EEF1G: variants seen among roughly 807,000 people sequenced by gnomAD.
EEF1G encodes the protein eukaryotic translation elongation factor 1 gamma.
EEF1G carries 14 observed loss-of-function variants against 58.3 expected under a neutral mutation model. That is an observed-to-expected ratio of 0.24 (90% CI 0.16 to 0.38). EEF1G has a LOEUF of 0.38. Among genes scored for constraint, EEF1G ranks in the 10% least tolerant of loss-of-function variants. EEF1G has a pLI of 1.00. For missense variants in EEF1G, 322 were observed against 550.1 expected, an observed-to-expected ratio of 0.59 and a Z score of 4.15; for synonymous variants, 180 against 206.8, an observed-to-expected ratio of 0.87 and a Z score of 1.11.
At chr11:62,572,899 C>T in intron 1 of EEF1G, 157 bp from the exon 2 acceptor site, 1 of 597,834 alleles carries the variant, frequency 1.7e-6, no homozygotes, top group Non-Finnish European at 2.8e-6. Context: ...CATATGTAAT[C>T]AGAATCCTCC....
intron 3 of EEF1G, 22 bp from the exon 4 acceptor site, chr11:62,571,704 G>A (rs1444841722): frequency 2.8e-5 from 45 of 1,580,936 alleles, no homozygotes; most frequent in Non-Finnish European, 3.8e-5. Flanking sequence ...GAACACGAAG[G>A]TCAGAACTCT....
Position 62,572,707 on chromosome 11 carries a change from G to C in EEF1G, c.48C>G (p.Phe16Leu). 1 of 1,613,636 alleles carries C rather than the reference G, an allele frequency of 6.2e-7. No homozygotes were observed. Among genetic ancestry groups the C allele is most frequent in the Middle Eastern group, 1.7e-4 (1 of 5,820 alleles). Residue 16 changes from phenylalanine to leucine, a missense_variant, in exon 2 of 10, where the codon TTC (phenylalanine) becomes TTG (leucine). By Grantham distance (22) the Phe-to-Leu change is conservative (BLOSUM62 0). Transcript: ENST00000329251. ...TGTACTGAGCAGCGATGAGAGCCTT[G>C]AAGGCCCTCCAGTTTTCAGGATACG... is the stretch of plus-strand genomic sequence containing the variant. ...LYTYPENWRA[F>L]KALIAAQYSG...
intron 5 of EEF1G, among the ~76,000 whole-genome samples, chr11:62,568,633 G>C (rs943866423): frequency 6.6e-6 from 1 of 151,814 alleles, no homozygotes; most frequent in African/African-American, 2.4e-5. Flanking sequence ...TAATTGTCTT[G>C]CTCCTTTACA....
rs1413092890 is a variant in EEF1G at position 62,572,732 on chromosome 11, G to T, written c.23C>A (p.Thr8Lys). The T allele has an allele frequency of 6.2e-7, 1 of 1,612,844 alleles. No individual in the cohort carries two copies. The highest frequency in any genetic ancestry group is 8.5e-7 in the Non-Finnish European group (1 of 1,179,096). Residue 8 changes from threonine (T) to lysine (K), a missense_variant, in exon 2 of 10, where the codon ACG becomes AAG. Thr to Lys is a moderately conservative substitution (Grantham distance 78). Coordinates refer to ENST00000329251, the MANE Select transcript of EEF1G (RefSeq NM_001404.5). MAAGTLY[T>K]YPENWRAFKA... is the part of the protein sequence containing the mutation. ...GAAGGCCCTCCAGTTTTCAGGATAC[G>T]TGTACAGGGTCTATGGGAGAAAGAG...
At chr11:62,559,874 G>C (rs770261179) in intron 9 of EEF1G, 37 bp from the exon 10 acceptor site, 2 of 1,613,766 alleles carry the variant, frequency 1.2e-6, no homozygotes, top group African/African-American at 1.3e-5. Context: ...CAAGTTATGA[G>C]ACACCACCCC....
chr11:62,571,539 C>T lies in EEF1G; in HGVS notation c.378+1G>A. The T allele has an allele frequency of 6.3e-7, 1 of 1,596,018 alleles. No homozygotes were observed. Among genetic ancestry groups the T allele is most frequent in the Non-Finnish European group, 8.5e-7 (1 of 1,170,924 alleles). On this transcript the variant is annotated splice_donor_variant, in intron 4 of 9. Transcript: ENST00000329251. LOFTEE classifies it high-confidence loss of function. ...GCTTCTCTCAAAGTTCCAAGGCTCA[C>T]CTGTTTGTTGTGGTGCATGATGCCC... is the stretch of plus-strand genomic sequence containing the variant.
chr11:62,571,340 A>G (rs1236259057), intron 4 of EEF1G, among the ~76,000 whole-genome samples, 200 bp downstream of exon 4: 1 of 152,180 alleles, frequency 6.6e-6, no homozygotes, highest in South Asian at 2.1e-4. Flanking sequence ...TCACAGCAGC[A>G]ATCCCTCTTC....
In EEF1G at chr11:62,571,087, C is replaced by T; in HGVS notation, c.400G>A (p.Glu134Lys). 1 of 1,613,956 alleles carries T rather than the reference C, an allele frequency of 6.2e-7. No individual in the cohort carries two copies. The change falls in exon 5 of 10, where the codon GAA becomes AAA. Residue 134 changes from glutamate (E) to lysine (K), a missense_variant. This residue lies in a region of EEF1G where 52 missense variants were observed against 139.4 expected (regional missense o/e 0.37). Coordinates refer to ENST00000329251, the MANE Select transcript of EEF1G (RefSeq NM_001404.5). ...AGCAGCCCCAGAATTCGCCTCACTT[C>T]CTCCTTTGCATTCTCAGTGGCCTAG... The part of the protein sequence containing the change: ...NKQATENAKE[E>K]VRRILGLLDA...
chr11:62,561,674 A>C (rs1235256354), intron 7 of EEF1G, among the ~76,000 whole-genome samples: 6 of 24,738 alleles, frequency 2.4e-4, no homozygotes, highest in Non-Finnish European at 3.1e-4. Flanking sequence ...AAAAAAACAA[A>C]AAAAAAACAA....
chr11:62,572,695 G>A lies in EEF1G; in HGVS notation c.60C>T (p.Ile20=), dbSNP rs533408973. The A allele has an allele frequency of 2.7e-5, 44 of 1,613,598 alleles. No homozygotes were observed. Among genetic ancestry groups the A allele is most frequent in the African/African-American group, 6.7e-5 (5 of 75,048 alleles). Reference sequence around the variant, plus strand: ...CCTGAGCCCCGCTGTACTGAGCAGCGATGAGAGCCTTGAAGGCCCTCCAGT... The same window carrying A: ...CCTGAGCCCCGCTGTACTGAGCAGCAATGAGAGCCTTGAAGGCCCTCCAGT... ...PENWRAFKAL[I]AAQYSGAQVR... The change falls in exon 2 of 10, where the codon ATC becomes ATT. Residue 20 remains isoleucine (I), a synonymous_variant. Transcript: ENST00000329251.
intron 4 of EEF1G, 47 bp downstream of exon 4, chr11:62,571,493 C>T: frequency 6.4e-7 from 1 of 1,557,708 alleles, no homozygotes. Context: ...CACCCAGGAG[C>T]TGATGCCACC....
At chr11:62,571,318 G>C (rs1439451092) in intron 4 of EEF1G, among the ~76,000 whole-genome samples, 1 of 152,066 alleles carries the variant, frequency 6.6e-6, no homozygotes, top group African/African-American at 2.4e-5. Context: ...CTTACCATTT[G>C]GTATAATCTC....
intron 8 of EEF1G, 44 bp downstream of exon 8, chr11:62,560,238 T>G: frequency 6.2e-7 from 1 of 1,613,996 alleles, no homozygotes. Context: ...ATCACAGCAC[T>G]TGCTACACCT....
At chr11:62,567,120 G>A (rs1752236126) in intron 6 of EEF1G, 110 bp from the exon 7 acceptor site, 1 of 1,234,354 alleles carries the variant, frequency 8.1e-7, no homozygotes, top group Non-Finnish European at 1.2e-6. Flanking sequence ...AATGGGACAA[G>A]TAAGGAACTT....
At chr11:62,569,183 A>G (rs564845361) in intron 5 of EEF1G, among the ~76,000 whole-genome samples, 1 of 152,080 alleles carries the variant, frequency 6.6e-6, no homozygotes, top group Non-Finnish European at 1.5e-5. Flanking sequence ...AGAATAATGG[A>G]CAGTCCTGGC....
chr11:62,573,872 T>G lies in EEF1G; in HGVS notation c.-30A>C. On this transcript the variant is annotated 5_prime_UTR_variant, in exon 1 of 10. Coordinates refer to ENST00000329251, the MANE Select transcript of EEF1G (RefSeq NM_001404.5). ...ATTCCGCAAAGAAAGGGGGTGGGGTTCTCGGCGCTGCCGCAAAGTAAGCCG... is the reference window on the plus strand; with the variant it reads ...ATTCCGCAAAGAAAGGGGGTGGGGTGCTCGGCGCTGCCGCAAAGTAAGCCG... 3.1e-6 allele frequency: 5 copies of G among 1,613,498 alleles called. No homozygotes were observed. The highest frequency in any genetic ancestry group is 4.2e-6 in the Non-Finnish European group (5 of 1,179,832).
At chr11:62,571,354 T>A (rs1162027103) in intron 4 of EEF1G, among the ~76,000 whole-genome samples, 186 bp downstream of exon 4, 4 of 152,210 alleles carry the variant, frequency 2.6e-5, no homozygotes, top group Non-Finnish European at 1.5e-5. Context: ...CCTCTTCTGA[T>A]CACTCATGAC....
rs1432936599 is a variant in EEF1G, at chr11:62,571,914, C to T, written c.172-13G>A. The T allele has an allele frequency of 2.6e-6, 4 of 1,567,304 alleles. No homozygotes were observed. Among genetic ancestry groups the T allele is most frequent in the Non-Finnish European group, 3.5e-6 (4 of 1,155,862 alleles). Reference sequence around the variant, plus strand: ...CAAATGCTGGGACCTGGGGACAAAGCAGTGAAAAGATAAGGTAAAACACAC... The same window carrying T: ...CAAATGCTGGGACCTGGGGACAAAGTAGTGAAAAGATAAGGTAAAACACAC... On this transcript the variant is annotated splice_polypyrimidine_tract_variant and intron_variant, in intron 2 of 9. Coordinates refer to ENST00000329251, the MANE Select transcript of EEF1G (RefSeq NM_001404.5).
chr11:62,567,463 G>C lies in EEF1G; in HGVS notation c.588C>G (p.Asn196Lys). 6.2e-7 allele frequency: 1 copy of C among 1,612,500 alleles called. No homozygotes were observed. Among genetic ancestry groups the C allele is most frequent in the Non-Finnish European group, 8.5e-7 (1 of 1,179,240 alleles). Residue 196 changes from asparagine (N) to lysine (K), a missense_variant, in exon 6 of 10, where the codon AAC (asparagine) becomes AAG (lysine). By Grantham distance (94) the Asn-to-Lys change is moderately conservative (BLOSUM62 0). This residue lies in a region of EEF1G where 208 missense variants were observed against 323.7 expected (regional missense o/e 0.64). Coordinates refer to ENST00000329251, the MANE Select transcript of EEF1G (RefSeq NM_001404.5). ...CCAAGACAGCCCGGAACTGGGGCTGGTTAATGCAGGTGAGGAACCAGCGGT... is the reference window on the plus strand; with the variant it reads ...CCAAGACAGCCCGGAACTGGGGCTGCTTAATGCAGGTGAGGAACCAGCGGT... ...NTNRWFLTCI[N>K]QPQFRAVLGE... is the part of the protein sequence containing the mutation.
Sources: allele counts gnomAD v4.1 joint callset (sites outside exome capture counted in the v4.1 genomes callset), GRCh38; gene constraint gnomAD v4.1.1; regional missense constraint gnomAD v4.1.1; transcripts MANE v1.5; gene names NCBI Gene and HGNC (gene_info 2026-07-23, HGNC 2026-07-21).